PACSIN1: variants seen among roughly 807,000 people sequenced by gnomAD.
PACSIN1 encodes the protein protein kinase C and casein kinase substrate in neurons 1.
In PACSIN1, 15 loss-of-function variants were observed where a neutral mutation model predicts 59.5. That is an observed-to-expected ratio of 0.25 (90% CI 0.17 to 0.39). The LOEUF (loss-of-function observed/expected upper bound fraction) is 0.39, where lower values mean the gene tolerates loss of function less well. PACSIN1 is among the 10% of genes least tolerant of loss of function. The pLI, the probability that PACSIN1 is intolerant of heterozygous loss-of-function variation, is 1.00. For missense variants in PACSIN1, 420 were observed against 580.2 expected, an observed-to-expected ratio of 0.72 and a Z score of 2.84; for synonymous variants, 210 against 220.6, an observed-to-expected ratio of 0.95 and a Z score of 0.42.
At chr6:34,499,841 A>G (rs562751341) in intron 1 of PACSIN1, among the ~76,000 whole-genome samples, 4 of 152,110 alleles carry the variant, frequency 2.6e-5, no homozygotes, top group Non-Finnish European at 5.9e-5. Context: ...AATCTTTATG[A>G]CACTGGATTT....
intron 1 of PACSIN1, among the ~76,000 whole-genome samples, chr6:34,487,906 C>T (rs1384699992): frequency 1.3e-5 from 2 of 152,160 alleles, no homozygotes; most frequent in Non-Finnish European, 2.9e-5. Flanking sequence ...GCCCCTCATG[C>T]TACTTGGAAA....
At chr6:34,491,369 C>G (rs947183704) in intron 1 of PACSIN1, among the ~76,000 whole-genome samples, 1 of 152,110 alleles carries the variant, frequency 6.6e-6, no homozygotes, top group Non-Finnish European at 1.5e-5. Flanking sequence ...GCAGTGCGGT[C>G]CCTTCCCTGC....
chr6:34,531,857 G>A lies in PACSIN1; in HGVS notation c.1225+70G>A, dbSNP rs1767602248. 2 of 1,432,886 alleles carry A rather than the reference G, an allele frequency of 1.4e-6. No homozygotes were observed. Among genetic ancestry groups the A allele is most frequent in the Admixed American group, 2.2e-5 (1 of 44,630 alleles). The allele number at this position is 1,432,886 out of a possible 1,614,324, so 88.8% of individuals were successfully genotyped here. ...GGATTGGGTGTGTGGTGGTGCAGGG[G>A]CGGTGCCTGAGAGAGAAGCTTGGGT... On this transcript the variant is annotated intron_variant, in intron 9 of 9. Coordinates refer to ENST00000244458, the MANE Select transcript of PACSIN1 (RefSeq NM_020804.5). This position sits in a 1 kb window ranked among gnomAD's most constrained non-coding sequence, Gnocchi z 4.4.
intron 1 of PACSIN1, chr6:34,485,143 T>C (rs548926321): frequency 5.1e-4 from 77 of 152,256 alleles, no homozygotes; most frequent in African/African-American, 1.7e-3. Flanking sequence ...GTTCTCAGAT[T>C]GGTGAGTCAC....
chr6:34,498,762 A>C (rs1395937575), intron 1 of PACSIN1, among the ~76,000 whole-genome samples: 1 of 141,258 alleles, frequency 7.1e-6, no homozygotes, highest in Non-Finnish European at 1.5e-5. Context: ...GCACCACTGC[A>C]CCCCAGCCTA....
At chr6:34,503,799 G>T (rs1038861041) in intron 1 of PACSIN1, among the ~76,000 whole-genome samples, 1 of 152,168 alleles carries the variant, frequency 6.6e-6, no homozygotes, top group African/African-American at 2.4e-5. Context: ...TATAACACAT[G>T]TTAGCCATGC....
chr6:34,468,230 C>T (rs898752696), intron 1 of PACSIN1, among the ~76,000 whole-genome samples: 1 of 152,110 alleles, frequency 6.6e-6, no homozygotes, highest in African/African-American at 2.4e-5. Context: ...AAGAGGCTGC[C>T]AACAAGGGTT....
chr6:34,499,749 C>T (rs1383254360), intron 1 of PACSIN1, among the ~76,000 whole-genome samples: 2 of 151,400 alleles, frequency 1.3e-5, no homozygotes, highest in African/African-American at 2.4e-5. Flanking sequence ...TGAGCTGAGA[C>T]GGTGCCACTG....
chr6:34,526,727 C>G (rs1444454725), intron 2 of PACSIN1, among the ~76,000 whole-genome samples: 1 of 152,180 alleles, frequency 6.6e-6, no homozygotes, highest in Admixed American at 6.5e-5. Flanking sequence ...AGGGGTGGAG[C>G]GCCGGACACA....
At position 34,533,508 on chromosome 6, in the gene PACSIN1, C is replaced by G; in HGVS notation, c.*978C>G. ...CCCCCCACTCTCCCTCCATGTCCAT[C>G]CAAAAACCATAAAATCACTGGGTTC... On this transcript the variant is annotated 3_prime_UTR_variant, in exon 10 of 10. Coordinates refer to ENST00000244458, the MANE Select transcript of PACSIN1 (RefSeq NM_020804.5). 1 of 152,496 alleles carries G rather than the reference C, an allele frequency of 6.6e-6. No individual in the cohort carries two copies. Among genetic ancestry groups the G allele is most frequent in the African/African-American group, 2.4e-5 (1 of 41,440 alleles). 9.4% of individuals were successfully genotyped at this position (152,496 alleles called of 1,614,324 possible).
chr6:34,497,993 C>T (rs1766971958), intron 1 of PACSIN1, among the ~76,000 whole-genome samples: 2 of 152,174 alleles, frequency 1.3e-5, no homozygotes, highest in Non-Finnish European at 2.9e-5. Flanking sequence ...GTTCTGATGC[C>T]TGTGCCCCAC....
chr6:34,522,182 C>T (rs949261639), intron 1 of PACSIN1, among the ~76,000 whole-genome samples: 2 of 152,232 alleles, frequency 1.3e-5, no homozygotes, highest in Non-Finnish European at 2.9e-5. Context: ...GGGAATGAGG[C>T]TCAGCAGGGG....
rs2127276856 is a variant in PACSIN1 at position 34,532,025 on chromosome 6, GA to G, written c.1225+240del. 6.6e-6 allele frequency among the ~76,000 whole-genome samples: 1 copy of G among 152,260 alleles called. No individual in the cohort carries two copies. The highest frequency in any genetic ancestry group is 2.1e-4 in the South Asian group (1 of 4,826). Reference sequence around the variant, plus strand: ...GTGTGGTGGGGTAGAGGCAGGATCTGAAGACGGGTTGCGAGGATTTGCAGGG... The same window carrying G: ...GTGTGGTGGGGTAGAGGCAGGATCTGAGACGGGTTGCGAGGATTTGCAGGG... On this transcript the variant is annotated intron_variant, in intron 9 of 9. Coordinates refer to ENST00000244458, the MANE Select transcript of PACSIN1 (RefSeq NM_020804.5). This position sits in a 1 kb window ranked among gnomAD's most constrained non-coding sequence, Gnocchi z 5.2.
chr6:34,469,399 G>A (rs769902098), intron 1 of PACSIN1, among the ~76,000 whole-genome samples: 1 of 152,166 alleles, frequency 6.6e-6, no homozygotes, highest in Non-Finnish European at 1.5e-5. Flanking sequence ...GGACCGGAGG[G>A]GAGGTCTGGG....
chr6:34,509,306 C>A (rs1767164255), intron 1 of PACSIN1, among the ~76,000 whole-genome samples: 1 of 152,220 alleles, frequency 6.6e-6, no homozygotes, highest in Non-Finnish European at 1.5e-5. Flanking sequence ...GTATTCTTGG[C>A]ACCCTCACTG....
chr6:34,523,971 T>A (rs80021526), intron 1 of PACSIN1, among the ~76,000 whole-genome samples: 7,677 of 152,236 alleles, frequency 0.05, 352 homozygotes, highest in African/African-American at 0.11. Flanking sequence ...AGTCAGTCAT[T>A]TCGTCCTCAT....
rs1767334872 is a variant in PACSIN1, at chr6:34,518,650, G to T, written c.-63-7593G>T. ...GCTCACTCCCGCTGGAGAGCTCTGG[G>T]AGGGGTTTTGAACACACCTTTGACT... On this transcript the variant is annotated intron_variant, in intron 1 of 9. Transcript: ENST00000244458. This position sits in a 1 kb window ranked among gnomAD's most constrained non-coding sequence, Gnocchi z 4.4. Among the ~76,000 whole-genome samples the T allele has an allele frequency of 6.6e-6, 1 of 152,256 alleles. No individual in the cohort carries two copies. The highest frequency in any genetic ancestry group is 6.5e-5 in the Admixed American group (1 of 15,288).
rs1413054907 is a variant in PACSIN1, at chr6:34,480,823, TG to T, written c.-64+14554del. Among the ~76,000 whole-genome samples the T allele has an allele frequency of 2.0e-5, 3 of 152,288 alleles. No homozygotes were observed. The East Asian group carries it at 5.8e-4, about 29-fold the overall frequency. ...ATGTGAAACTGTTCTCCAGAGTGCTTGTACCAAATCATACCTGCACAAAGCA... is the reference window on the plus strand; with the variant it reads ...ATGTGAAACTGTTCTCCAGAGTGCTTTACCAAATCATACCTGCACAAAGCA... On this transcript the variant is annotated intron_variant, in intron 1 of 9. Transcript: ENST00000244458.
Position 34,530,683 on chromosome 6 carries a change from T to C in PACSIN1, c.1037+96T>C. The C allele has an allele frequency of 8.0e-7, 1 of 1,250,096 alleles. No homozygotes were observed. The highest frequency in any genetic ancestry group is 1.1e-6 in the Non-Finnish European group (1 of 942,142). 77.4% of individuals were successfully genotyped at this position (1,250,096 alleles called of 1,614,324 possible). ...AGAAGACAAGAAATGGTCTAGATCA[T>C]AGCAACTATGTCTCCTCTCTAAAAG... is the stretch of plus-strand genomic sequence containing the variant. On this transcript the variant is annotated intron_variant, in intron 8 of 9. Transcript: ENST00000244458. The surrounding 1 kb of genome is among the most constrained non-coding windows in gnomAD (Gnocchi z 4.4).
Sources: gnomAD v4.1 joint callset for allele counts (sites outside exome capture counted in the v4.1 genomes callset) on GRCh38, gnomAD v4.1.1 for gene constraint, Gnocchi (gnomAD v3.1) non-coding constraint, MANE v1.5 for transcripts, NCBI Gene and HGNC (gene_info 2026-07-23, HGNC 2026-07-21) for gene names.